The following DNAH14 variants were observed in gnomAD, a reference collection of about 807,000 sequenced individuals.
The protein encoded by DNAH14 is axonemal beta dynein heavy chain 14.
A neutral mutation model predicts 520.9 loss-of-function variants in DNAH14; 478 were observed. The ratio of observed to expected loss-of-function variants is 0.92; its 90% CI spans 0.85 to 0.99. The LOEUF (loss-of-function observed/expected upper bound fraction) is 0.99, where lower values mean the gene tolerates loss of function less well. Ranked by LOEUF, DNAH14 falls within the 50% of genes least tolerant of loss-of-function variation. The pLI is 0.00. For synonymous variants in DNAH14, 1,581 were observed against 1,757.2 expected, an observed-to-expected ratio of 0.90 and a Z score of 2.51; for missense variants, 4,831 against 5,234.5, an observed-to-expected ratio of 0.92 and a Z score of 2.38.
intron 7 of DNAH14, among the ~76,000 whole-genome samples, chr1:224,973,067 G>A (rs1051812924): frequency 1.8e-4 from 28 of 152,188 alleles, no homozygotes; most frequent in Admixed American, 7.9e-4. Context: ...GGATTAAAGT[G>A]AAATAGTAAC....
At chr1:225,191,961 C>T (rs949433694) in intron 37 of DNAH14, among the ~76,000 whole-genome samples, 6 of 151,840 alleles carry the variant, frequency 4.0e-5, no homozygotes. Context: ...TTCCAGTTTC[C>T]TCAGACTTGA....
At chr1:225,107,235 G>C (rs1252962971) in intron 23 of DNAH14, among the ~76,000 whole-genome samples, 5 of 152,300 alleles carry the variant, frequency 3.3e-5, no homozygotes, top group Non-Finnish European at 5.9e-5. Flanking sequence ...CATTCCTCTG[G>C]AAGTTTTGTC....
At chr1:225,181,032 T>C (rs575673276) in intron 36 of DNAH14, among the ~76,000 whole-genome samples, 13 of 152,314 alleles carry the variant, frequency 8.5e-5, no homozygotes, top group African/African-American at 2.4e-4. Flanking sequence ...TTTCTGCCCA[T>C]GTGTACTTAA....
chr1:225,311,076 C>T (rs1316849018), intron 60 of DNAH14, among the ~76,000 whole-genome samples: 2 of 152,166 alleles, frequency 1.3e-5, no homozygotes, highest in South Asian at 4.1e-4. Flanking sequence ...AGGGTAAAAG[C>T]GTTCCTGTTT....
At chr1:225,157,427 T>G (rs1389789252) in intron 34 of DNAH14, among the ~76,000 whole-genome samples, 1 of 152,222 alleles carries the variant, frequency 6.6e-6, no homozygotes, top group African/African-American at 2.4e-5. Flanking sequence ...ATGTTGACAT[T>G]AATCTAAAGC....
chr1:225,336,262 C>G (rs1330648700), intron 66 of DNAH14, among the ~76,000 whole-genome samples: 1 of 151,426 alleles, frequency 6.6e-6, no homozygotes, highest in African/African-American at 2.4e-5. Flanking sequence ...TTCTAAAAGA[C>G]ACATCTAAAA....
rs2080852879 is a variant in DNAH14, at chr1:225,154,643, A to T, written c.5273+817A>T. 6.6e-5 allele frequency among the ~76,000 whole-genome samples: 10 copies of T among 152,104 alleles called. No individual in the cohort carries two copies. In the South Asian group the frequency reaches 2.1e-3, roughly 31 times the overall value. ...TTGGGAAAACTAAACAGCCATCAGG[A>T]TAAAGATCAAGTTGCAACCATTGTC... On this transcript the variant is annotated intron_variant, in intron 34 of 85. Coordinates refer to ENST00000682510, the MANE Select transcript of DNAH14 (RefSeq NM_001367479.1).
At chr1:225,171,513 A>T (rs988671736) in intron 36 of DNAH14, among the ~76,000 whole-genome samples, 1 of 152,224 alleles carries the variant, frequency 6.6e-6, no homozygotes, top group Non-Finnish European at 1.5e-5. Flanking sequence ...TAACCTTGAA[A>T]ATCTAGAAGA....
chr1:225,271,493 T>C (rs962226200), intron 50 of DNAH14, among the ~76,000 whole-genome samples: 4 of 152,204 alleles, frequency 2.6e-5, no homozygotes, highest in African/African-American at 7.2e-5. Flanking sequence ...TCCAGTAAGA[T>C]ACTTCAGAAT....
intron 12 of DNAH14, among the ~76,000 whole-genome samples, chr1:225,040,138 A>C (rs956004745): frequency 6.6e-6 from 1 of 151,716 alleles, no homozygotes; most frequent in African/African-American, 2.4e-5. Flanking sequence ...ACGGGGTTTC[A>C]CCGTGTTAGC....
chr1:225,166,698 C>T (rs1460094537), intron 35 of DNAH14, among the ~76,000 whole-genome samples: 2 of 152,180 alleles, frequency 1.3e-5, no homozygotes, highest in African/African-American at 4.8e-5. Context: ...GACTTATTTA[C>T]ATATCTGTCT....
chr1:225,140,011 A>G (rs1470454520), intron 27 of DNAH14, among the ~76,000 whole-genome samples: 3 of 152,190 alleles, frequency 2.0e-5, no homozygotes, highest in Non-Finnish European at 4.4e-5. Context: ...CTCATCCTGT[A>G]TGCTCCTATC....
At chr1:225,343,489 C>T (rs960590354) in intron 69 of DNAH14, among the ~76,000 whole-genome samples, 7 of 151,878 alleles carry the variant, frequency 4.6e-5, no homozygotes, top group African/African-American at 1.7e-4. Flanking sequence ...GACCCAATTC[C>T]AAAAAGAGAT....
chr1:225,078,875 T>C (rs1044371092), intron 17 of DNAH14, among the ~76,000 whole-genome samples: 4 of 118,244 alleles, frequency 3.4e-5, no homozygotes, highest in East Asian at 5.3e-4. Context: ...TCTCTCTCTC[T>C]CTCTCTCTCT....
chr1:225,026,068 G>A (rs1445353610), intron 11 of DNAH14, among the ~76,000 whole-genome samples: 1 of 151,786 alleles, frequency 6.6e-6, no homozygotes, highest in Non-Finnish European at 1.5e-5. Context: ...GGGCTCAAGC[G>A]ATACTCTCAC....
intron 36 of DNAH14, among the ~76,000 whole-genome samples, chr1:225,169,348 A>G (rs2082362991): frequency 6.6e-6 from 1 of 152,214 alleles, no homozygotes. Context: ...AAACTTCTCC[A>G]AGCTAAAGGA....
chr1:225,107,762 G>A (rs1044877169), intron 23 of DNAH14, among the ~76,000 whole-genome samples: 2 of 152,170 alleles, frequency 1.3e-5, no homozygotes, highest in Non-Finnish European at 2.9e-5. Flanking sequence ...CCCACAAACA[G>A]TGTACAAGGG....
At chr1:225,159,034 C>CT (rs2081295660) in intron 34 of DNAH14, among the ~76,000 whole-genome samples, 1 of 152,132 alleles carries the variant, frequency 6.6e-6, no homozygotes, top group Non-Finnish European at 1.5e-5. Flanking sequence ...AAATTCATTT[C>CT]TTTTATTTGC....
At chr1:225,119,879 A>G (rs1164521244) in intron 26 of DNAH14, among the ~76,000 whole-genome samples, 1 of 152,202 alleles carries the variant, frequency 6.6e-6, no homozygotes, top group Non-Finnish European at 1.5e-5. Context: ...AGTTGTTAAT[A>G]TTATTCTGAA....
Sources: allele counts gnomAD v4.1 joint callset (sites outside exome capture counted in the v4.1 genomes callset), GRCh38; gene constraint gnomAD v4.1.1; transcripts MANE v1.5; gene names NCBI Gene and HGNC (gene_info 2026-07-23, HGNC 2026-07-21).